The following KIAA0825 variants were observed in gnomAD, a reference collection of about 807,000 sequenced individuals.
The protein encoded by KIAA0825 is KIAA0825.
In KIAA0825, 119 loss-of-function variants were observed where a neutral mutation model predicts 147.6. The ratio of observed to expected loss-of-function variants is 0.81; its 90% CI spans 0.69 to 0.94. KIAA0825 has a LOEUF of 0.94. KIAA0825 is among the 40% of genes least tolerant of loss of function. The probability of loss-of-function intolerance (pLI) is 0.00; values close to 1 mark genes in which losing one functional copy is unlikely to be tolerated. For missense variants in KIAA0825, 1,381 were observed against 1,472.7 expected (o/e 0.94, Z 1.02); for synonymous variants, 470 against 518.1 (o/e 0.91, Z 1.26).
intron 13 of KIAA0825, among the ~76,000 whole-genome samples, chr5:94,450,677 A>G (rs890928276): frequency 1.3e-5 from 2 of 152,030 alleles, no homozygotes; most frequent in Admixed American, 6.6e-5. Flanking sequence ...CCACCACCCA[A>G]CACAGTTGCA....
chr5:94,499,940 G>A (rs1471781108), intron 5 of KIAA0825, among the ~76,000 whole-genome samples: 1 of 152,126 alleles, frequency 6.6e-6, no homozygotes, highest in Non-Finnish European at 1.5e-5. Context: ...CGTGGATTAG[G>A]GGCTGTAGCT....
At chr5:94,307,577 CT>C (rs577206972) in intron 20 of KIAA0825, among the ~76,000 whole-genome samples, 1 of 151,404 alleles carries the variant, frequency 6.6e-6, no homozygotes, top group Non-Finnish European at 1.5e-5. Context: ...ATGCGATATG[CT>C]TTTTTTTCAT....
At chr5:94,232,379 G>A (rs1262998972) in intron 20 of KIAA0825, among the ~76,000 whole-genome samples, 1 of 152,036 alleles carries the variant, frequency 6.6e-6, no homozygotes, top group Non-Finnish European at 1.5e-5. Flanking sequence ...GTCAGCTGAT[G>A]TATTTTTACT....
chr5:94,513,407 A>T (rs952469799), intron 5 of KIAA0825, among the ~76,000 whole-genome samples: 1 of 152,190 alleles, frequency 6.6e-6, no homozygotes, highest in Non-Finnish European at 1.5e-5. Context: ...GAATTAGAGG[A>T]TATAGCAAGT....
rs980089697 is a variant in KIAA0825, at chr5:94,484,769, C to T, written c.1132G>A (p.Gly378Arg). The part of the protein sequence containing the change: ...LSLKITRDTS[G>R]ILEKSDREVV... The stretch of plus-strand genomic sequence containing the variant: ...AAATTTAAACAAAAGAGGATATTAC[C>T]TGAAGTATCCCTGGTTATCTTGAGT... The change falls in exon 6 of 21, where the codon GGA becomes AGA. Residue 378 changes from glycine to arginine, a missense_variant and splice_region_variant. Transcript: ENST00000682413. 2 of 1,469,334 alleles carry T rather than the reference C, an allele frequency of 1.4e-6. No homozygotes were observed. The highest frequency in any genetic ancestry group is 9.1e-7 in the Non-Finnish European group (1 of 1,094,510). 91.0% of individuals were successfully genotyped at this position (1,469,334 alleles called of 1,614,324 possible). A position where few individuals can be genotyped will look rare whatever the true frequency, so the allele number is the denominator to read the frequency against.
chr5:94,578,649 T>C (rs1374921866), intron 2 of KIAA0825, among the ~76,000 whole-genome samples: 11 of 152,172 alleles, frequency 7.2e-5, no homozygotes, highest in Admixed American at 6.5e-4. Context: ...TAGCATCAAA[T>C]AGGAATTCAG....
intron 20 of KIAA0825, among the ~76,000 whole-genome samples, chr5:94,260,250 A>G (rs569442935): frequency 6.6e-6 from 1 of 152,276 alleles, no homozygotes; most frequent in East Asian, 1.9e-4. Flanking sequence ...AGAAAACTTC[A>G]TAATGGCGCA....
intron 15 of KIAA0825, among the ~76,000 whole-genome samples, chr5:94,409,630 C>T (rs1752502470): frequency 6.6e-6 from 1 of 152,158 alleles, no homozygotes; most frequent in African/African-American, 2.4e-5. Context: ...CAAAAAACAA[C>T]TATTGAGAAA....
chr5:94,396,202 G>A lies in KIAA0825; in HGVS notation c.3195C>T (p.Ile1065=). Residue 1065 remains isoleucine (I), a synonymous_variant, in exon 17 of 21, where the codon ATC becomes ATT. Transcript: ENST00000682413. ...LKSIMGDQTS[I]HNQMIQKVIQ... ...TGACCTTTTGGATCATTTGATTATG[G>A]ATACTTGTCTGGTCTCCCATGATGC... 1.9e-6 allele frequency: 3 copies of A among 1,551,266 alleles called. No homozygotes were observed. The highest frequency in any genetic ancestry group is 2.6e-6 in the Non-Finnish European group (3 of 1,146,866).
At chr5:94,404,178 G>T (rs1751746468) in intron 15 of KIAA0825, among the ~76,000 whole-genome samples, 1 of 151,930 alleles carries the variant, frequency 6.6e-6, no homozygotes, top group Non-Finnish European at 1.5e-5. Context: ...TTATAAATAT[G>T]CAAAGGATAT....
In KIAA0825 at chr5:94,379,844, C is replaced by CTTTTTTT. The variant is rs59886046; in HGVS notation, c.3710+4517_3710+4523dup. Among the ~76,000 whole-genome samples, 18 of 55,726 alleles carry CTTTTTTT rather than the reference C, an allele frequency of 3.2e-4. 1 individual carries two copies. Among genetic ancestry groups the CTTTTTTT allele is most frequent in the Admixed American group, 7.5e-4 (4 of 5,352 alleles). 36.6% of individuals were successfully genotyped at this position (55,726 alleles called of 152,430 possible). On this transcript the variant is annotated intron_variant, in intron 20 of 20. Transcript: ENST00000682413. ...TAGCTGTATTCCTAGGTATTTTATTCTTTTTTTTTTTTTTTTTTTTTTTTT... is the reference window on the plus strand; with the variant it reads ...TAGCTGTATTCCTAGGTATTTTATTCTTTTTTTTTTTTTTTTTTTTTTTTTTTTTTTT...
chr5:94,446,559 T>C (rs769397786), intron 13 of KIAA0825, among the ~76,000 whole-genome samples: 14 of 152,140 alleles, frequency 9.2e-5, no homozygotes, highest in Non-Finnish European at 2.1e-4. Context: ...AAAGATCCTG[T>C]GGCAGAAAGG....
At chr5:94,444,246 G>T (rs1256752201) in intron 13 of KIAA0825, among the ~76,000 whole-genome samples, 1 of 152,074 alleles carries the variant, frequency 6.6e-6, no homozygotes, top group East Asian at 1.9e-4. Context: ...CTACCAGGGG[G>T]ACCATTTAGG....
chr5:94,614,619 G>A (rs1789892232), intron 1 of KIAA0825, among the ~76,000 whole-genome samples: 1 of 151,662 alleles, frequency 6.6e-6, no homozygotes, highest in South Asian at 2.1e-4. Context: ...TGTCCCTCTT[G>A]TTCCCCTGCC....
chr5:94,493,558 G>C (rs1321921114), intron 5 of KIAA0825, among the ~76,000 whole-genome samples: 1 of 152,122 alleles, frequency 6.6e-6, no homozygotes, highest in Non-Finnish European at 1.5e-5. Flanking sequence ...CGCAATCTCA[G>C]CTCACTGCAA....
rs553200386 is a variant in KIAA0825 at position 94,299,794 on chromosome 5, A to T, written c.3710+84574T>A. ...TTAGAGCAAGGAACAGGGTGTCGGC[A>T]TTCATGAGTTCCTTAGCTAGAGCCA... On this transcript the variant is annotated intron_variant, in intron 20 of 20. Coordinates refer to ENST00000682413, the MANE Select transcript of KIAA0825 (RefSeq NM_001145678.3). Among the ~76,000 whole-genome samples, 7 of 152,320 alleles carry T rather than the reference A, an allele frequency of 4.6e-5. No individual in the cohort carries two copies. The South Asian group carries it at 1.4e-3, about 32-fold the overall frequency.
intron 20 of KIAA0825, among the ~76,000 whole-genome samples, chr5:94,193,929 T>C (rs1462354255): frequency 6.6e-6 from 1 of 152,166 alleles, no homozygotes; most frequent in African/African-American, 2.4e-5. Context: ...CTGTTTGTCC[T>C]GCTGAAGCCA....
chr5:94,163,394 C>T (rs28539612), intron 20 of KIAA0825, among the ~76,000 whole-genome samples: 13,424 of 152,066 alleles, frequency 0.088, 755 homozygotes, highest in Middle Eastern at 0.16. Context: ...TTCCTTCTTC[C>T]GACTTTCTTT....
At chr5:94,592,321 G>A (rs746754285) in intron 1 of KIAA0825, among the ~76,000 whole-genome samples, 4 of 152,054 alleles carry the variant, frequency 2.6e-5, no homozygotes, top group Non-Finnish European at 4.4e-5. Context: ...CAAAACAAAG[G>A]AGCTACAAGC....
Sources: allele counts gnomAD v4.1 joint callset (sites outside exome capture counted in the v4.1 genomes callset), GRCh38; gene constraint gnomAD v4.1.1; transcripts MANE v1.5; gene names NCBI Gene and HGNC (gene_info 2026-07-23, HGNC 2026-07-21).